Variants in FYB2 observed in about 807,000 individuals in gnomAD.
The protein encoded by FYB2 is FYN-binding protein 2.
Under a neutral mutation model 94.1 loss-of-function variants are expected in FYB2, and 103 were observed. The ratio of observed to expected loss-of-function variants is 1.09; its 90% confidence interval spans 0.93 to 1.29. The LOEUF is 1.29. Among genes scored for constraint, FYB2 ranks in the 50% most tolerant of loss-of-function variants. The pLI, the probability that FYB2 is intolerant of heterozygous loss-of-function variation, is 0.00. For missense variants in FYB2, 896 were observed against 841.5 expected (o/e 1.06, Z -0.80); for synonymous variants, 293 against 287.9 (o/e 1.02, Z -0.18).
At position 56,794,548 on chromosome 1, in the gene FYB2, C is replaced by T. The variant is rs150089308; in HGVS notation, c.10-1745G>A. On this transcript the variant is annotated intron_variant, in intron 1 of 19. Coordinates refer to ENST00000343433, the MANE Select transcript of FYB2 (RefSeq NM_001004303.5). The stretch of plus-strand genomic sequence containing the variant: ...TCACCATATTTACAGTTGACTCACA[C>T]CTGCCTTCTGAAGATTTTGGAAGGG... 3.7e-3 allele frequency among the ~76,000 whole-genome samples: 558 copies of T among 152,272 alleles called. 2 individuals are homozygous for T. Among genetic ancestry groups the T allele is most frequent in the Middle Eastern group, 0.014 (4 of 294 alleles).
intron 1 of FYB2, among the ~76,000 whole-genome samples, chr1:56,794,838 A>G (rs1646357933): frequency 1.3e-5 from 2 of 152,102 alleles, no homozygotes; most frequent in South Asian, 4.1e-4. Flanking sequence ...GCCTTGGGCA[A>G]TTCACTTCAC....
chr1:56,797,441 C>T (rs1215698252), intron 1 of FYB2, among the ~76,000 whole-genome samples: 2 of 152,154 alleles, frequency 1.3e-5, no homozygotes, highest in African/African-American at 4.8e-5. Context: ...CCTGGGTATA[C>T]ACTGGCTCAT....
chr1:56,767,432 C>G (rs1447735719), intron 5 of FYB2, among the ~76,000 whole-genome samples: 1 of 152,162 alleles, frequency 6.6e-6, no homozygotes, highest in Non-Finnish European at 1.5e-5. Flanking sequence ...TTATCTCACT[C>G]TCCACACACC....
intron 5 of FYB2, chr1:56,761,849 C>T (rs1645502126): frequency 6.6e-6 from 1 of 152,118 alleles, no homozygotes; most frequent in Non-Finnish European, 1.5e-5. Context: ...TTAGATGTCT[C>T]ACCTTTGGTG....
At chr1:56,783,616 A>G (rs1262146804) in intron 4 of FYB2, among the ~76,000 whole-genome samples, 1 of 152,166 alleles carries the variant, frequency 6.6e-6, no homozygotes, top group Non-Finnish European at 1.5e-5. Context: ...TCTTAGACAT[A>G]CGGTTGAGAG....
intron 1 of FYB2, among the ~76,000 whole-genome samples, chr1:56,801,389 T>C (rs1646515944): frequency 6.6e-6 from 1 of 152,194 alleles, no homozygotes; most frequent in Non-Finnish European, 1.5e-5. Context: ...TCTTCCACAA[T>C]ATTCCTGATC....
At chr1:56,797,834 T>C (rs1341616073) in intron 1 of FYB2, among the ~76,000 whole-genome samples, 2 of 152,316 alleles carry the variant, frequency 1.3e-5, no homozygotes. Flanking sequence ...CGATACAGCC[T>C]GGTTTGTTTT....
intron 16 of FYB2, among the ~76,000 whole-genome samples, 171 bp downstream of exon 16, chr1:56,726,326 C>T (rs1159383097): frequency 6.6e-6 from 1 of 152,004 alleles, no homozygotes; most frequent in African/African-American, 2.4e-5. Context: ...TTTTTATATT[C>T]TTTGTCCCTT....
At chr1:56,736,424 C>CTT (rs59242700) in intron 15 of FYB2, among the ~76,000 whole-genome samples, 6,684 of 119,926 alleles carry the variant, frequency 0.056, 883 homozygotes, top group African/African-American at 0.2. Flanking sequence ...TTAAGGATGG[C>CTT]TTTTTTTTTT....
chr1:56,814,104 C>A (rs980301629), intron 1 of FYB2, among the ~76,000 whole-genome samples: 3 of 152,162 alleles, frequency 2.0e-5, no homozygotes, highest in African/African-American at 7.2e-5. Context: ...GAGGTGTTGT[C>A]TGAGCTGAGT....
chr1:56,789,669 C>A (rs188833773), intron 2 of FYB2, among the ~76,000 whole-genome samples: 9 of 152,102 alleles, frequency 5.9e-5, no homozygotes, highest in Non-Finnish European at 1.3e-4. Context: ...TGATTTGTAT[C>A]CCTGTAGCAC....
At chr1:56,721,317 G>T (rs1050029514) in intron 17 of FYB2, among the ~76,000 whole-genome samples, 2 of 151,954 alleles carry the variant, frequency 1.3e-5, no homozygotes, top group African/African-American at 4.8e-5. Context: ...GGTATTGTCT[G>T]TTTATAACTA....
At position 56,719,378 on chromosome 1, in the gene FYB2, A is replaced by G; in HGVS notation, c.*293T>C. 2 of 311,530 alleles carry G rather than the reference A, an allele frequency of 6.4e-6. No individual in the cohort carries two copies. Among genetic ancestry groups the G allele is most frequent in the East Asian group, 5.4e-5 (1 of 18,602 alleles). The allele number at this position is 311,530 out of a possible 1,614,324, so 19.3% of individuals were successfully genotyped here. A position where few individuals can be genotyped will look rare whatever the true frequency, so the allele number is the denominator to read the frequency against. On this transcript the variant is annotated 3_prime_UTR_variant, in exon 20 of 20. Transcript: ENST00000343433. ...TAAGGCATGATTTCTAACTTTGGAT[A>G]TGGCTCATTAAATAAGTGCTCAAAT...
chr1:56,787,268 T>A, intron 3 of FYB2, 60 bp from the exon 4 acceptor site: 1 of 1,586,776 alleles, frequency 6.3e-7, no homozygotes, highest in Admixed American at 1.7e-5. Context: ...TTAAAGTGAA[T>A]GATGCTTGTG....
chr1:56,760,847 A>G (rs1229842133), intron 5 of FYB2, among the ~76,000 whole-genome samples: 1 of 152,192 alleles, frequency 6.6e-6, no homozygotes, highest in African/African-American at 2.4e-5. Flanking sequence ...TGGCAAGCTA[A>G]GCTATCCAAA....
At chr1:56,724,775 A>G (rs966862690) in intron 16 of FYB2, among the ~76,000 whole-genome samples, 3 of 151,980 alleles carry the variant, frequency 2.0e-5, no homozygotes, top group African/African-American at 4.8e-5. Context: ...AAAGTGGGTT[A>G]TCCTTTTCAT....
At position 56,792,038 on chromosome 1, in the gene FYB2, G is replaced by T. The variant is rs1279007808; in HGVS notation, c.757+18C>A. ...GACACCTCCCTAGCCCCTGTCCCAT[G>T]GGGATCACGTTTGTTACCTGGGGCC... On this transcript the variant is annotated intron_variant, in intron 2 of 19. Transcript: ENST00000343433. 3.9e-6 allele frequency: 6 copies of T among 1,551,882 alleles called. No individual in the cohort carries two copies. In the South Asian group the frequency reaches 5.1e-5, roughly 13 times the overall value.
intron 4 of FYB2, among the ~76,000 whole-genome samples, chr1:56,774,151 A>G (rs1369251583): frequency 6.6e-6 from 1 of 152,140 alleles, no homozygotes; most frequent in Non-Finnish European, 1.5e-5. Flanking sequence ...TTTCGTATAC[A>G]TATTAGATAA....
At position 56,792,438 on chromosome 1, in the gene FYB2, G is replaced by A. The variant is rs17114336; in HGVS notation, c.375C>T (p.Ile125=). The change falls in exon 2 of 20, where the codon ATC becomes ATT. Residue 125 remains isoleucine (I), a synonymous_variant. Coordinates refer to ENST00000343433, the MANE Select transcript of FYB2 (RefSeq NM_001004303.5). The part of the protein sequence containing the change: ...LEVTQSNVEI[I]TKEKVMVANS... Reference sequence around the variant, plus strand: ...TGGCCACCATTACTTTTTCCTTAGTGATTATCTCAACATTTGATTGAGTCA... The same window carrying A: ...TGGCCACCATTACTTTTTCCTTAGTAATTATCTCAACATTTGATTGAGTCA... 1 of 1,614,124 alleles carries A rather than the reference G, an allele frequency of 6.2e-7. No individual in the cohort carries two copies.
Sources: gnomAD v4.1 joint callset for allele counts (sites outside exome capture counted in the v4.1 genomes callset) on GRCh38, gnomAD v4.1.1 for gene constraint, MANE v1.5 for transcripts, NCBI Gene and HGNC (gene_info 2026-07-23, HGNC 2026-07-21) for gene names.